Variants in IL23R observed in about 807,000 individuals in gnomAD.
IL23R encodes interleukin 23 receptor.
Under a neutral mutation model 56.9 loss-of-function variants are expected in IL23R, and 34 were observed. The ratio of observed to expected loss-of-function variants is 0.60; its 90% CI spans 0.45 to 0.80. The LOEUF (loss-of-function observed/expected upper bound fraction) is 0.80. Ranked by LOEUF, IL23R falls within the 30% of genes least tolerant of loss-of-function variation. The pLI is 0.00. For missense variants in IL23R, 635 were observed against 730.0 expected (o/e 0.87, Z 1.50); for synonymous variants, 230 against 249.2 (o/e 0.92, Z 0.73).
Position 67,220,559 on chromosome 1 carries a change from A to C in IL23R, c.955+829A>C, listed in dbSNP as rs115062459. Among the ~76,000 whole-genome samples, 1,100 of 152,074 alleles carry C rather than the reference A, an allele frequency of 7.2e-3. 14 individuals are homozygous for C. Among genetic ancestry groups the C allele is most frequent in the African/African-American group, 0.025 (1,042 of 41,480 alleles). ...ACAATTTATATAATGGTTCTCAAAC[A>C]TTCCTGGGTATAAAAACCATCTGGG... is the stretch of plus-strand genomic sequence containing the variant. On this transcript the variant is annotated intron_variant, in intron 7 of 10. Transcript: ENST00000347310.
chr1:67,260,938 C>T (rs139971733), downstream of IL23R, among the ~76,000 whole-genome samples: 71 of 152,252 alleles, frequency 4.7e-4, no homozygotes, highest in Middle Eastern at 3.4e-3. Context: ...AGATTACACA[C>T]TGAATTTCTT....
At chr1:67,242,931 T>C (rs1242879524) in intron 9 of IL23R, among the ~76,000 whole-genome samples, 1 of 152,204 alleles carries the variant, frequency 6.6e-6, no homozygotes, top group Non-Finnish European at 1.5e-5. Flanking sequence ...CAAATGTACC[T>C]GAAGCTTTGA....
chr1:67,224,527 T>C, intron 7 of IL23R, among the ~76,000 whole-genome samples: 1 of 152,204 alleles, frequency 6.6e-6, no homozygotes, highest in East Asian at 1.9e-4. Flanking sequence ...AATCCTGAAG[T>C]GGGTATGGCT....
chr1:67,164,370 C>T (rs116154291), upstream of IL23R, among the ~76,000 whole-genome samples: 2,944 of 152,254 alleles, frequency 0.019, 87 homozygotes, highest in African/African-American at 0.066. Context: ...AGGCGTCTCA[C>T]GCCTGTAATC....
chr1:67,248,332 G>C (rs1652379785), intron 9 of IL23R, among the ~76,000 whole-genome samples: 2 of 151,840 alleles, frequency 1.3e-5, no homozygotes, highest in African/African-American at 4.8e-5. Flanking sequence ...TTTTTTCTCT[G>C]ATCTTGTCTT....
chr1:67,248,470 A>G (rs1434816276), intron 9 of IL23R, among the ~76,000 whole-genome samples: 1 of 151,940 alleles, frequency 6.6e-6, no homozygotes, highest in Admixed American at 6.6e-5. Context: ...CCATCAGGTC[A>G]TTTATGTTCT....
chr1:67,154,495 C>T (rs190819926), intron 1 of IL23R, among the ~76,000 whole-genome samples: 6 of 151,934 alleles, frequency 3.9e-5, no homozygotes, highest in African/African-American at 1.4e-4. Context: ...TGTATTGATC[C>T]CTTTACCATT....
At chr1:67,242,406 T>A (rs1651911934) in intron 9 of IL23R, among the ~76,000 whole-genome samples, 1 of 152,150 alleles carries the variant, frequency 6.6e-6, no homozygotes, top group Non-Finnish European at 1.5e-5. Context: ...CCTTTTCACT[T>A]CTATTGTTCA....
intron 1 of IL23R, among the ~76,000 whole-genome samples, chr1:67,151,041 C>T (rs1238078105): frequency 1.3e-5 from 2 of 152,132 alleles, no homozygotes; most frequent in Admixed American, 6.6e-5. Flanking sequence ...CTGTCTTCCG[C>T]GATGGTTGAA....
chr1:67,223,115 G>A (rs1223214729), intron 7 of IL23R, among the ~76,000 whole-genome samples: 8 of 152,076 alleles, frequency 5.3e-5, no homozygotes, highest in African/African-American at 1.7e-4. Context: ...TTAACTGGGT[G>A]TGGTGGCAGG....
At chr1:67,152,611 T>C (rs907174656) in intron 1 of IL23R, among the ~76,000 whole-genome samples, 2 of 152,200 alleles carry the variant, frequency 1.3e-5, no homozygotes, top group Admixed American at 1.3e-4. Context: ...CTTATTATTT[T>C]GAGATATTCC....
At chr1:67,140,746 T>A (rs1646629183) in intron 1 of IL23R, among the ~76,000 whole-genome samples, 1 of 152,194 alleles carries the variant, frequency 6.6e-6, no homozygotes, top group African/African-American at 2.4e-5. Context: ...TTTTTTATAA[T>A]GGTAAAAAAT....
chr1:67,157,447 G>A (rs569375487), intron 1 of IL23R, among the ~76,000 whole-genome samples: 1 of 151,770 alleles, frequency 6.6e-6, no homozygotes, highest in African/African-American at 2.4e-5. Context: ...CCCTTCAACA[G>A]CTTCCCATCT....
upstream of IL23R, among the ~76,000 whole-genome samples, chr1:67,165,207 T>C (rs1259250355): frequency 6.6e-6 from 1 of 152,018 alleles, no homozygotes; most frequent in Non-Finnish European, 1.5e-5. Flanking sequence ...AGACTCTGTC[T>C]CAAAACAAAA....
intron 6 of IL23R, among the ~76,000 whole-genome samples, chr1:67,213,470 A>C (rs1343334142): frequency 6.6e-6 from 1 of 152,214 alleles, no homozygotes; most frequent in Non-Finnish European, 1.5e-5. Flanking sequence ...TGAAGTATCT[A>C]AGGGAATTAG....
intron 5 of IL23R, among the ~76,000 whole-genome samples, chr1:67,205,564 A>G (rs1054305036): frequency 6.6e-6 from 1 of 152,246 alleles, no homozygotes; most frequent in Non-Finnish European, 1.5e-5. Context: ...CAAACTTACA[A>G]GTATTTACAC....
chr1:67,167,450 A>T (rs1363068825), intron 1 of IL23R, among the ~76,000 whole-genome samples: 1 of 152,002 alleles, frequency 6.6e-6, no homozygotes. Flanking sequence ...TTTTGAATCC[A>T]TTTTCTCTGG....
chr1:67,210,856 C>G (rs772607302), intron 6 of IL23R, among the ~76,000 whole-genome samples: 11 of 152,044 alleles, frequency 7.2e-5, no homozygotes, highest in Non-Finnish European at 1.3e-4. Flanking sequence ...GTATTTAACA[C>G]TAAAATACAT....
intron 6 of IL23R, among the ~76,000 whole-genome samples, chr1:67,208,249 G>A (rs939146947): frequency 7.2e-5 from 11 of 152,198 alleles, no homozygotes; most frequent in African/African-American, 2.4e-4. Context: ...GCCTGACTAT[G>A]CAATAGAAAA....
Sources: gnomAD v4.1 joint callset for allele counts (sites outside exome capture counted in the v4.1 genomes callset) on GRCh38, gnomAD v4.1.1 for gene constraint, MANE v1.5 for transcripts, NCBI Gene and HGNC (gene_info 2026-07-23, HGNC 2026-07-21) for gene names.